The following LRRC4B variants were observed in gnomAD, a reference collection of about 807,000 sequenced individuals.
LRRC4B encodes the protein leucine rich repeat containing 4B.
LRRC4B carries 1 observed loss-of-function variant against 7.3 expected under a neutral mutation model. The ratio of observed to expected loss-of-function variants is 0.14; its 90% CI spans 0.05 to 0.65. The LOEUF is 0.65. LRRC4B is among the 30% of genes least tolerant of loss of function. LRRC4B has a pLI of 0.84. For synonymous variants in LRRC4B, 500 were observed against 499.2 expected, an observed-to-expected ratio of 1.00 and a Z score of -0.02; for missense variants, 730 against 1,041.6, an observed-to-expected ratio of 0.70 and a Z score of 4.12.
At chr19:50,544,875 T>G (rs1019126506) in intron 2 of LRRC4B, among the ~76,000 whole-genome samples, 1 of 151,644 alleles carries the variant, frequency 6.6e-6, no homozygotes, top group Non-Finnish European at 1.5e-5. Flanking sequence ...GGAAACATAG[T>G]GAGACCCTGT....
intron 2 of LRRC4B, among the ~76,000 whole-genome samples, chr19:50,521,570 G>T (rs957493201): frequency 2.1e-4 from 32 of 152,144 alleles, no homozygotes; most frequent in African/African-American, 7.7e-4. Flanking sequence ...TGGGATTACA[G>T]GGTCGTGCCA....
At chr19:50,552,094 G>A (rs1054983100) in intron 1 of LRRC4B, among the ~76,000 whole-genome samples, 1 of 152,130 alleles carries the variant, frequency 6.6e-6, no homozygotes, top group African/African-American at 2.4e-5. Flanking sequence ...AGAAAGGGGG[G>A]TGGTTGGGCC....
intron 2 of LRRC4B, among the ~76,000 whole-genome samples, chr19:50,540,652 G>A (rs115778028): frequency 3.2e-3 from 489 of 151,856 alleles, no homozygotes; most frequent in African/African-American, 0.011. Flanking sequence ...CACCACGCTC[G>A]GCCAGCATTA....
intron 1 of LRRC4B, among the ~76,000 whole-genome samples, chr19:50,562,399 A>T (rs921182978): frequency 1.3e-5 from 2 of 152,170 alleles, no homozygotes; most frequent in East Asian, 3.9e-4. Context: ...ACACGGAAAA[A>T]ATCCACATAA....
chr19:50,542,601 C>T (rs999561895), intron 2 of LRRC4B, among the ~76,000 whole-genome samples: 2 of 151,776 alleles, frequency 1.3e-5, no homozygotes, highest in Admixed American at 1.3e-4. Context: ...CTCAGCCTCC[C>T]AAGTAGCTGG....
intron 2 of LRRC4B, among the ~76,000 whole-genome samples, chr19:50,522,112 A>G (rs1270341278): frequency 6.6e-6 from 1 of 152,190 alleles, no homozygotes; most frequent in Non-Finnish European, 1.5e-5. Context: ...CAGGAGGCCA[A>G]GGCTGCAGTG....
chr19:50,558,918 C>G (rs1982371152), intron 1 of LRRC4B, among the ~76,000 whole-genome samples: 1 of 152,228 alleles, frequency 6.6e-6, no homozygotes, highest in East Asian at 1.9e-4. Context: ...AGTCTGAGGC[C>G]TGAGCACCTG....
Position 50,556,090 on chromosome 19 carries a change from A to G in LRRC4B, c.-35-7217T>C, listed in dbSNP as rs1982266011. On this transcript the variant is annotated intron_variant, in intron 1 of 2. Coordinates refer to ENST00000652263, the MANE Select transcript of LRRC4B (RefSeq NM_001080457.2). The surrounding 1 kb of genome is among the most constrained non-coding windows in gnomAD (Gnocchi z 4.2). ...CAGCCCCACAGCGCCGAGAATTGTC[A>G]GGCTTCTATGTCTGGAGGTAGAAGA... 1.3e-5 allele frequency among the ~76,000 whole-genome samples: 2 copies of G among 152,134 alleles called. No individual in the cohort carries two copies. The highest frequency in any genetic ancestry group is 4.8e-5 in the African/African-American group (2 of 41,416).
chr19:50,546,685 G>A (rs766402793), intron 2 of LRRC4B, among the ~76,000 whole-genome samples: 1 of 152,216 alleles, frequency 6.6e-6, no homozygotes, highest in African/African-American at 2.4e-5. Context: ...ATGAATGTAC[G>A]TCCGCTGGTG....
chr19:50,530,928 T>TGCG (rs1319905565), intron 2 of LRRC4B, among the ~76,000 whole-genome samples: 5 of 111,714 alleles, frequency 4.5e-5, no homozygotes, highest in Non-Finnish European at 9.1e-5. Flanking sequence ...AGTAGAAACC[T>TGCG]GGGGGGGGGG....
At position 50,548,660 on chromosome 19, in the gene LRRC4B, G is replaced by A. The variant is rs1981918466; in HGVS notation, c.179C>T (p.Ala60Val). 1.3e-6 allele frequency: 2 copies of A among 1,568,916 alleles called. No individual in the cohort carries two copies. Among genetic ancestry groups the A allele is most frequent in the South Asian group, 2.3e-5 (2 of 86,148 alleles). The change falls in exon 2 of 3, where the codon GCC becomes GTC. Residue 60 changes from alanine to valine, a missense_variant. Physicochemically the swap from Ala to Val is moderately conservative, Grantham distance 64 (BLOSUM62 0). Coordinates refer to ENST00000652263, the MANE Select transcript of LRRC4B (RefSeq NM_001080457.2). This position sits in a 1 kb window ranked among gnomAD's most constrained non-coding sequence, Gnocchi z 6.8. The part of the protein sequence containing the change: ...GSPPATSCPV[A>V]CSCSNQASRV... ...GCTGGCCTGGTTGCTGCAGGAGCAG[G>A]CCACGGGGCAGGAGGTGGCCGGCGG...
In LRRC4B at chr19:50,517,599, T is replaced by C. The variant is rs1980330057; in HGVS notation, c.2114A>G (p.Lys705Arg). 1 of 1,460,514 alleles carries C rather than the reference T, an allele frequency of 6.8e-7. No homozygotes were observed. The highest frequency in any genetic ancestry group is 1.5e-5 in the South Asian group (1 of 68,922). The allele number at this position is 1,460,514 out of a possible 1,614,324, so 90.5% of individuals were successfully genotyped here. Reference protein sequence around the residue: ...HEPLLFKSGSKENVQETQI With the variant: ...HEPLLFKSGSRENVQETQI Reference sequence around the variant, plus strand: ...GATCTGCGTCTCTTGCACGTTCTCCTTGGAGCCGCTCTTGAAGAGCAGAGG... The same window carrying C: ...GATCTGCGTCTCTTGCACGTTCTCCCTGGAGCCGCTCTTGAAGAGCAGAGG... The change falls in exon 3 of 3, where the codon AAG (lysine) becomes AGG (arginine). Residue 705 changes from lysine to arginine, a missense_variant. This residue lies in a region of LRRC4B where 5 missense variants were observed against 18.5 expected (regional missense o/e 0.27). Coordinates refer to ENST00000652263, the MANE Select transcript of LRRC4B (RefSeq NM_001080457.2). This position sits in a 1 kb window ranked among gnomAD's most constrained non-coding sequence, Gnocchi z 6.6.
chr19:50,561,687 G>A (rs996584795), intron 1 of LRRC4B, among the ~76,000 whole-genome samples: 1 of 152,084 alleles, frequency 6.6e-6, no homozygotes, highest in East Asian at 1.9e-4. Flanking sequence ...GTGAGCTGTG[G>A]TTGTGCCCCT....
intron 2 of LRRC4B, among the ~76,000 whole-genome samples, chr19:50,538,328 G>A (rs1166719407): frequency 6.6e-6 from 1 of 151,942 alleles, no homozygotes; most frequent in Non-Finnish European, 1.5e-5. Flanking sequence ...CTCCCGAAGT[G>A]GTGGGATTAC....
intron 1 of LRRC4B, among the ~76,000 whole-genome samples, chr19:50,559,900 G>A (rs1982411274): frequency 6.6e-6 from 1 of 152,218 alleles, no homozygotes; most frequent in Non-Finnish European, 1.5e-5. Flanking sequence ...CTGGGAGGCT[G>A]AGGCGGGCAG....
At chr19:50,539,041 G>A (rs773259246) in intron 2 of LRRC4B, among the ~76,000 whole-genome samples, 27 of 151,728 alleles carry the variant, frequency 1.8e-4, no homozygotes, top group Non-Finnish European at 2.2e-4. Context: ...CACCACACCC[G>A]GCTAATTTTT....
intron 2 of LRRC4B, among the ~76,000 whole-genome samples, chr19:50,525,912 T>C (rs958784917): frequency 5.3e-5 from 8 of 152,136 alleles, no homozygotes; most frequent in African/African-American, 1.7e-4. Context: ...TCCCAGCTAT[T>C]TGGGAGGCTG....
rs1030696122 is a variant in LRRC4B at position 50,563,766 on chromosome 19, T to C, written c.-36+4178A>G. 7.2e-5 allele frequency among the ~76,000 whole-genome samples: 11 copies of C among 152,172 alleles called. No homozygotes were observed. The highest frequency in any genetic ancestry group is 1.2e-4 in the Non-Finnish European group (8 of 68,030). The stretch of plus-strand genomic sequence containing the variant: ...TGGTGCCTTCACGCAACGCTGACTT[T>C]CCAACACTGTGAGGGGCTGGCAGTT... On this transcript the variant is annotated intron_variant, in intron 1 of 2. Coordinates refer to ENST00000652263, the MANE Select transcript of LRRC4B (RefSeq NM_001080457.2). The surrounding 1 kb of genome is among the most constrained non-coding windows in gnomAD (Gnocchi z 4.9).
chr19:50,548,530 G>C lies in LRRC4B; in HGVS notation c.297+12C>G. 3 of 1,586,606 alleles carry C rather than the reference G, an allele frequency of 1.9e-6. No individual in the cohort carries two copies. The highest frequency in any genetic ancestry group is 2.6e-6 in the Non-Finnish European group (3 of 1,173,728). ...CCTCCAAGGTCCCCCTCTGCCCGCT[G>C]GCCCCGCATACCTGGATGCCGTTCT... On this transcript the variant is annotated intron_variant, in intron 2 of 2. Coordinates refer to ENST00000652263, the MANE Select transcript of LRRC4B (RefSeq NM_001080457.2). The surrounding 1 kb of genome is among the most constrained non-coding windows in gnomAD (Gnocchi z 6.8).
Sources: gnomAD v4.1 joint callset for allele counts (sites outside exome capture counted in the v4.1 genomes callset) on GRCh38, gnomAD v4.1.1 for gene constraint, gnomAD v4.1.1 regional missense constraint, Gnocchi (gnomAD v3.1) non-coding constraint, MANE v1.5 for transcripts, NCBI Gene and HGNC (gene_info 2026-07-23, HGNC 2026-07-21) for gene names.